Variants in KCNMA1 observed in about 807,000 individuals in gnomAD.
KCNMA1 encodes the protein Calcium-activated potassium channel subunit alpha-1.
KCNMA1 carries 29 observed loss-of-function variants against 140.0 expected under a neutral mutation model. The ratio of observed to expected loss-of-function variants is 0.21; its 90% CI spans 0.15 to 0.28. The LOEUF is 0.28. Ranked by LOEUF, KCNMA1 falls within the 10% of genes least tolerant of loss-of-function variation. The pLI is 1.00. For missense variants in KCNMA1, 880 were observed against 1,602.2 expected, an observed-to-expected ratio of 0.55 and a Z score of 7.70; for synonymous variants, 612 against 611.9, an observed-to-expected ratio of 1.00 and a Z score of 0.00.
intron 1 of KCNMA1, among the ~76,000 whole-genome samples, chr10:77,461,667 A>G (rs2097870201): frequency 1.3e-5 from 2 of 152,078 alleles, no homozygotes; most frequent in African/African-American, 4.8e-5. Context: ...CAGGCAGAAC[A>G]CTTACGGGGC....
At chr10:77,551,693 G>A (rs1285315922) in intron 1 of KCNMA1, among the ~76,000 whole-genome samples, 2 of 152,200 alleles carry the variant, frequency 1.3e-5, no homozygotes, top group African/African-American at 4.8e-5. Context: ...GGATTCGACT[G>A]ATGCTGCAGC....
At chr10:77,084,771 C>A in intron 11 of KCNMA1, 52 bp from the exon 12 acceptor site, 1 of 1,304,656 alleles carries the variant, frequency 7.7e-7, no homozygotes, top group East Asian at 2.3e-5. Context: ...AATAGCCATG[C>A]TCGAGTGTAG....
intron 19 of KCNMA1, among the ~76,000 whole-genome samples, chr10:77,000,902 C>G (rs1428565927): frequency 1.3e-5 from 1 of 76,544 alleles, no homozygotes; most frequent in Non-Finnish European, 2.7e-5. Context: ...ATATATATAT[C>G]CATCTGCATC....
At chr10:77,035,722 C>T (rs2094280304) in intron 15 of KCNMA1, among the ~76,000 whole-genome samples, 1 of 152,020 alleles carries the variant, frequency 6.6e-6, no homozygotes, top group South Asian at 2.1e-4. Context: ...ACATATAGCT[C>T]GCAATGTGTT....
At chr10:77,509,709 C>G (rs142028634) in intron 1 of KCNMA1, among the ~76,000 whole-genome samples, 28 of 152,226 alleles carry the variant, frequency 1.8e-4, no homozygotes, top group African/African-American at 6.0e-4. Context: ...CATTTTTATG[C>G]TTTTATGTAT....
Position 77,175,119 on chromosome 10 carries a change from G to A in KCNMA1, c.808+8302C>T, listed in dbSNP as rs113594844. On this transcript the variant is annotated intron_variant, in intron 5 of 27. Coordinates refer to ENST00000286628, the MANE Select transcript of KCNMA1 (RefSeq NM_001161352.2). ...TCGCGGTTTCTGATCCCTGGGTCTC[G>A]GTTGAGCTCTAAGAACCCTCATGTG... Among the ~76,000 whole-genome samples the A allele has an allele frequency of 6.8e-4, 103 of 152,194 alleles. 1 individual carries two copies. Among genetic ancestry groups the A allele is most frequent in the African/African-American group, 2.4e-3 (99 of 41,534 alleles).
chr10:77,114,322 C>T (rs1375713292), intron 6 of KCNMA1, among the ~76,000 whole-genome samples: 1 of 152,212 alleles, frequency 6.6e-6, no homozygotes, highest in Non-Finnish European at 1.5e-5. Flanking sequence ...TGACTCTGCA[C>T]TGAGTGCACT....
chr10:77,375,766 G>A lies in KCNMA1; in HGVS notation c.540+28096C>T, dbSNP rs953450252. ...ACCTGGCCAGAGGTCATGCCCTTCA[G>A]GGGCAGCCCACCTCCTCTGAGTGAT... On this transcript the variant is annotated intron_variant, in intron 2 of 27. Transcript: ENST00000286628. 5.3e-5 allele frequency among the ~76,000 whole-genome samples: 8 copies of A among 152,238 alleles called. No homozygotes were observed. The East Asian group carries it at 1.5e-3, about 29-fold the overall frequency.
At chr10:77,368,798 C>T (rs139668909) in intron 2 of KCNMA1, among the ~76,000 whole-genome samples, 1 of 152,278 alleles carries the variant, frequency 6.6e-6, no homozygotes, top group East Asian at 1.9e-4. Context: ...GAAAAGACTC[C>T]TTCTCCATTG....
At chr10:77,511,520 A>G (rs2048371773) in intron 1 of KCNMA1, among the ~76,000 whole-genome samples, 1 of 152,158 alleles carries the variant, frequency 6.6e-6, no homozygotes, top group African/African-American at 2.4e-5. Flanking sequence ...AAGTTATTAA[A>G]ACTTCCCAAG....
chr10:77,567,208 C>T (rs576773530), intron 1 of KCNMA1, among the ~76,000 whole-genome samples: 54 of 152,304 alleles, frequency 3.5e-4, no homozygotes, highest in East Asian at 2.1e-3. Context: ...TTTCCCAAGG[C>T]GGGGGATTAG....
At chr10:77,268,719 G>A (rs2064119324) in intron 2 of KCNMA1, among the ~76,000 whole-genome samples, 1 of 152,148 alleles carries the variant, frequency 6.6e-6, no homozygotes, top group Admixed American at 6.5e-5. Context: ...TATGCTCTCT[G>A]TACCTCAAGT....
At chr10:77,190,065 C>A (rs2154136581) in intron 3 of KCNMA1, among the ~76,000 whole-genome samples, 1 of 152,252 alleles carries the variant, frequency 6.6e-6, no homozygotes, top group Non-Finnish European at 1.5e-5. Flanking sequence ...AATTTTAAAT[C>A]TATGCCTTCT....
At chr10:76,897,011 TACACACACACACACACAC>T (rs3067677) in intron 25 of KCNMA1, among the ~76,000 whole-genome samples, 2 of 142,820 alleles carry the variant, frequency 1.4e-5, no homozygotes, top group East Asian at 4.1e-4. Context: ...AGGTGAAAAT[TACACACACACACACACAC>T]ACACACACAC....
downstream of KCNMA1, chr10:76,884,500 G>A (rs1044026151): frequency 9.2e-5 from 14 of 151,694 alleles, no homozygotes; most frequent in Non-Finnish European, 1.7e-4. Context: ...GACCGATGGG[G>A]GGACTGGGAT....
At position 76,891,772 on chromosome 10, in the gene KCNMA1, T is replaced by A. The variant is rs112848038; in HGVS notation, c.3148-53A>T. ...AGTCCTTTAAGCAAACACCCTAAAG[T>A]CATGACAGCCGACATCCAAATTACA... On this transcript the variant is annotated intron_variant, in intron 25 of 27. Transcript: ENST00000286628. 4 of 1,449,860 alleles carry A rather than the reference T, an allele frequency of 2.8e-6. No homozygotes were observed. The South Asian group carries it at 3.4e-5, about 12-fold the overall frequency. The allele number at this position is 1,449,860 out of a possible 1,614,324, so 89.8% of individuals were successfully genotyped here.
chr10:76,988,758 G>A (rs1696729431), intron 19 of KCNMA1, among the ~76,000 whole-genome samples: 1 of 152,120 alleles, frequency 6.6e-6, no homozygotes, highest in Non-Finnish European at 1.5e-5. Flanking sequence ...GGGGGATGAG[G>A]AATGATGAGA....
chr10:77,425,987 C>A (rs746608616), intron 1 of KCNMA1, among the ~76,000 whole-genome samples: 16 of 152,294 alleles, frequency 1.1e-4, no homozygotes, highest in Non-Finnish European at 1.9e-4. Context: ...ACACAGATGG[C>A]AGGCCAAAGA....
At chr10:77,138,868 G>T (rs900541729) in intron 5 of KCNMA1, among the ~76,000 whole-genome samples, 2 of 152,276 alleles carry the variant, frequency 1.3e-5, no homozygotes, top group East Asian at 1.9e-4. Flanking sequence ...TCATTGCAAG[G>T]TTGGCTAATG....
Sources: allele counts gnomAD v4.1 joint callset (sites outside exome capture counted in the v4.1 genomes callset), GRCh38; gene constraint gnomAD v4.1.1; transcripts MANE v1.5; gene names NCBI Gene and HGNC (gene_info 2026-07-23, HGNC 2026-07-21).